CCSER2: variants seen among roughly 807,000 people sequenced by gnomAD.
The protein encoded by CCSER2 is coiled-coil serine rich protein 2, also known as serine-rich coiled-coil domain-containing protein 2.
A neutral mutation model predicts 92.3 loss-of-function variants in CCSER2; 46 were observed. That is an observed-to-expected ratio of 0.50 (90% confidence interval 0.39 to 0.64). The LOEUF (loss-of-function observed/expected upper bound fraction) is 0.64, where lower values mean the gene tolerates loss of function less well. CCSER2 is among the 30% of genes least tolerant of loss of function. CCSER2 has a pLI of 0.00. For synonymous variants in CCSER2, 433 were observed against 431.4 expected, an observed-to-expected ratio of 1.00 and a Z score of -0.04; for missense variants, 1,244 against 1,238.9, an observed-to-expected ratio of 1.00 and a Z score of -0.06.
Position 84,457,245 on chromosome 10 carries a change from T to TATATATAA in CCSER2, c.2065-6682_2065-6681insAAATATAT, listed in dbSNP as rs1564684158. Reference sequence around the variant, plus strand: ...TATTATATATAAATATATTATATATTATATATTATATAAAATATATTATAT... The same window carrying TATATATAA: ...TATTATATATAAATATATTATATATTATATATAAATATATTATATAAAATATATTATAT... On this transcript the variant is annotated intron_variant, in intron 6 of 9. Coordinates refer to ENST00000372088, the MANE Select transcript of CCSER2 (RefSeq NM_001284240.2). Among the ~76,000 whole-genome samples the TATATATAA allele has an allele frequency of 4.3e-3, 282 of 65,626 alleles. 12 individuals are homozygous for TATATATAA. Among genetic ancestry groups the TATATATAA allele is most frequent in the Admixed American group, 0.036 (119 of 3,352 alleles). The allele number at this position is 65,626 out of a possible 152,430, so 43.1% of individuals were successfully genotyped here. A position where few individuals can be genotyped will look rare whatever the true frequency, so the allele number is the denominator to read the frequency against.
chr10:84,436,613 G>GGACAGAGC (rs1484876297), intron 5 of CCSER2, among the ~76,000 whole-genome samples: 2 of 142,866 alleles, frequency 1.4e-5, no homozygotes, highest in African/African-American at 5.1e-5. Context: ...CTAGCCTGGG[G>GGACAGAGC]GACAGAGCGA....
chr10:84,374,710 A>T lies in CCSER2; in HGVS notation c.1614+895A>T, dbSNP rs140207779. Among the ~76,000 whole-genome samples, 13 of 152,230 alleles carry T rather than the reference A, an allele frequency of 8.5e-5. 1 individual carries two copies. The highest frequency in any genetic ancestry group is 1.5e-5 in the Non-Finnish European group (1 of 68,034). On this transcript the variant is annotated intron_variant, in intron 3 of 9. Coordinates refer to ENST00000372088, the MANE Select transcript of CCSER2 (RefSeq NM_001284240.2). ...CATATTTTAAGAAACATGGCAAGTAATGTGGATAATATGCCATATGGGTAA... is the reference window on the plus strand; with the variant it reads ...CATATTTTAAGAAACATGGCAAGTATTGTGGATAATATGCCATATGGGTAA...
intron 9 of CCSER2, among the ~76,000 whole-genome samples, chr10:84,500,328 A>G (rs898636312): frequency 5.3e-5 from 8 of 152,210 alleles, no homozygotes; most frequent in East Asian, 3.8e-4. Flanking sequence ...GTGATCTACA[A>G]TGGTATGATG....
At chr10:84,328,859 CG>C (rs986489013) in intron 1 of CCSER2, 51 bp downstream of exon 1, 24 of 152,150 alleles carry the variant, frequency 1.6e-4, no homozygotes, top group Admixed American at 1.3e-3. Context: ...CGGCGGGCGC[CG>C]GGGGCAGCCC....
chr10:84,448,763 C>G (rs1018604585), intron 6 of CCSER2, among the ~76,000 whole-genome samples: 17 of 152,202 alleles, frequency 1.1e-4, no homozygotes, highest in Admixed American at 9.2e-4. Flanking sequence ...GCCCAGGCAA[C>G]CACTATTCTG....
chr10:84,358,748 C>T (rs755288981), intron 1 of CCSER2, among the ~76,000 whole-genome samples: 1 of 151,188 alleles, frequency 6.6e-6, no homozygotes, highest in Non-Finnish European at 1.5e-5. Flanking sequence ...GTGATTGCCT[C>T]AACTATTCCC....
At chr10:84,478,848 A>G (rs12356167) in intron 9 of CCSER2, among the ~76,000 whole-genome samples, 86,625 of 152,180 alleles carry the variant, frequency 0.57, 27,256 homozygotes, top group East Asian at 0.74. Flanking sequence ...TGTTTGAATC[A>G]TAGAAAGCAA....
chr10:84,406,943 T>G (rs1013102318), intron 3 of CCSER2, among the ~76,000 whole-genome samples: 3 of 152,188 alleles, frequency 2.0e-5, no homozygotes, highest in Non-Finnish European at 4.4e-5. Context: ...ATTCTAATGA[T>G]ATCTGTGATG....
At chr10:84,355,660 T>C (rs1472948732) in intron 1 of CCSER2, among the ~76,000 whole-genome samples, 1 of 152,240 alleles carries the variant, frequency 6.6e-6, no homozygotes, top group Non-Finnish European at 1.5e-5. Context: ...TAATAGGCTT[T>C]CAATAAATGT....
intron 6 of CCSER2, among the ~76,000 whole-genome samples, chr10:84,451,229 A>G (rs1186039588): frequency 6.6e-6 from 1 of 151,384 alleles, no homozygotes; most frequent in Non-Finnish European, 1.5e-5. Context: ...TTGGCTATAG[A>G]AAGGTTTTTT....
chr10:84,368,001 G>A (rs1326807956), intron 1 of CCSER2, among the ~76,000 whole-genome samples: 1 of 152,082 alleles, frequency 6.6e-6, no homozygotes, highest in Non-Finnish European at 1.5e-5. Context: ...TCCTATACCA[G>A]TCTCATTTCA....
At chr10:84,441,164 C>T (rs1306329024) in intron 6 of CCSER2, among the ~76,000 whole-genome samples, 1 of 152,130 alleles carries the variant, frequency 6.6e-6, no homozygotes, top group Admixed American at 6.5e-5. Flanking sequence ...CTTTAGTAAT[C>T]AGAAACTAGA....
intron 1 of CCSER2, among the ~76,000 whole-genome samples, chr10:84,341,481 T>C (rs1483047285): frequency 1.3e-5 from 2 of 151,562 alleles, no homozygotes; most frequent in African/African-American, 4.9e-5. Flanking sequence ...CACATAGCAC[T>C]TGGCCACACA....
intron 9 of CCSER2, among the ~76,000 whole-genome samples, chr10:84,503,902 T>G (rs146475405): frequency 6.6e-6 from 1 of 152,214 alleles, no homozygotes; most frequent in African/African-American, 2.4e-5. Context: ...TTATATTGTC[T>G]TACATCTTCT....
chr10:84,352,774 AGG>A (rs1472874536), intron 1 of CCSER2, among the ~76,000 whole-genome samples: 1 of 151,650 alleles, frequency 6.6e-6, no homozygotes, highest in Non-Finnish European at 1.5e-5. Flanking sequence ...TTAAGGTAGG[AGG>A]TTAAGGTTAA....
At chr10:84,493,547 A>C (rs530025145) in intron 9 of CCSER2, among the ~76,000 whole-genome samples, 1 of 152,312 alleles carries the variant, frequency 6.6e-6, no homozygotes, top group East Asian at 1.9e-4. Flanking sequence ...CTAGTTGGCT[A>C]TTTTTAATGG....
chr10:84,389,260 C>A (rs1399642829), intron 3 of CCSER2: 2 of 500,412 alleles, frequency 4.0e-6, no homozygotes, highest in Admixed American at 4.0e-5. Flanking sequence ...ACTAGGCAGT[C>A]CCCAGGATCT....
At chr10:84,503,465 A>G (rs982182089) in intron 9 of CCSER2, among the ~76,000 whole-genome samples, 1 of 152,186 alleles carries the variant, frequency 6.6e-6, no homozygotes, top group African/African-American at 2.4e-5. Context: ...GCATTGGTGT[A>G]GTCTTTCTAC....
intron 9 of CCSER2, among the ~76,000 whole-genome samples, chr10:84,478,145 T>C (rs1025613225): frequency 6.6e-6 from 1 of 152,360 alleles, no homozygotes; most frequent in East Asian, 1.9e-4. Context: ...ATAAAAGTTA[T>C]GTTTTAGGCA....
Sources: allele counts gnomAD v4.1 joint callset (sites outside exome capture counted in the v4.1 genomes callset), GRCh38; gene constraint gnomAD v4.1.1; transcripts MANE v1.5; gene names NCBI Gene and HGNC (gene_info 2026-07-23, HGNC 2026-07-21).